Variants in ADGRL2 observed in about 807,000 individuals in gnomAD.
ADGRL2 encodes the protein calcium-independent alpha-latrotoxin receptor 2.
ADGRL2 carries 44 observed loss-of-function variants against 157.4 expected under a neutral mutation model. The observed-to-expected ratio is 0.28, with a 90% CI of 0.22 to 0.36. ADGRL2 has a LOEUF of 0.36. Ranked by LOEUF, ADGRL2 falls within the 10% of genes least tolerant of loss-of-function variation. The pLI is 1.00. For missense variants in ADGRL2, 1,510 were observed against 1,768.9 expected, an observed-to-expected ratio of 0.85 and a Z score of 2.63; for synonymous variants, 585 against 624.7, an observed-to-expected ratio of 0.94 and a Z score of 0.95.
intron 1 of ADGRL2, among the ~76,000 whole-genome samples, chr1:81,335,756 C>T (rs1449742070): frequency 2.6e-5 from 4 of 151,968 alleles, no homozygotes; most frequent in Non-Finnish European, 5.9e-5. Context: ...TTCATCCCTT[C>T]CTTTAGTTAT....
At chr1:81,873,462 T>G (rs2093750227) in intron 2 of ADGRL2, among the ~76,000 whole-genome samples, 1 of 152,074 alleles carries the variant, frequency 6.6e-6, no homozygotes, top group African/African-American at 2.4e-5. Context: ...CTGATTGAAA[T>G]GTAAAAAAAC....
chr1:81,774,396 C>T lies in ADGRL2; in HGVS notation c.-101+12544C>T, dbSNP rs192920240. Among the ~76,000 whole-genome samples, 8 of 152,338 alleles carry T rather than the reference C, an allele frequency of 5.3e-5. No individual in the cohort carries two copies. In the East Asian group the frequency reaches 9.7e-4, roughly 18 times the overall value. On this transcript the variant is annotated intron_variant, in intron 2 of 20. Coordinates refer to the ADGRL2 transcript ENST00000359929. ...TAGATTGTGAGGTTGCTGAGAGCAA[C>T]ATGTGCTTTGCACTGTCTACTTAAT...
At chr1:81,454,073 A>G (rs993868745) in intron 2 of ADGRL2, among the ~76,000 whole-genome samples, 1 of 152,140 alleles carries the variant, frequency 6.6e-6, no homozygotes, top group South Asian at 2.1e-4. Flanking sequence ...TTGAATGAGG[A>G]TTACTGACAG....
chr1:81,720,188 T>C lies in ADGRL2; in HGVS notation c.-143+20380T>C, dbSNP rs147929193. Reference sequence around the variant, plus strand: ...AAGCATTCCTTTTTTTCTTTTCTTTTTTTTTTTTTTTTGAGACGTAATCTT... The same window carrying C: ...AAGCATTCCTTTTTTTCTTTTCTTTCTTTTTTTTTTTTGAGACGTAATCTT... On this transcript the variant is annotated intron_variant, in intron 1 of 20. Coordinates refer to the ADGRL2 transcript ENST00000359929. 8.2e-3 allele frequency among the ~76,000 whole-genome samples: 1,223 copies of C among 149,830 alleles called. 24 individuals carry two copies. Among genetic ancestry groups the C allele is most frequent in the African/African-American group, 0.028 (1,168 of 40,996 alleles).
In ADGRL2 at chr1:81,986,887, T is replaced by G. The variant is rs1038289759; in HGVS notation, c.3509-14T>G. 3.1e-6 allele frequency: 5 copies of G among 1,591,924 alleles called. No homozygotes were observed. In the African/African-American group the frequency reaches 6.8e-5, roughly 22 times the overall value. ...TTTTCTCTGTTTTTTTGTTGTTTTT[T>G]TTTTTTACTTTAGGAATGACTGGCA... On this transcript the variant is annotated splice_polypyrimidine_tract_variant and intron_variant, in intron 21 of 23. Coordinates refer to ENST00000686636, the MANE Select transcript of ADGRL2 (RefSeq NM_001366006.2).
chr1:81,973,526 T>A (rs761168654), intron 17 of ADGRL2, among the ~76,000 whole-genome samples: 8 of 152,236 alleles, frequency 5.3e-5, no homozygotes, highest in Non-Finnish European at 1.0e-4. Flanking sequence ...TTATTTGATA[T>A]CTGTGAAGAT....
intron 1 of ADGRL2, chr1:81,722,535 T>A: frequency 6.4e-7 from 1 of 1,550,672 alleles, no homozygotes; most frequent in Non-Finnish European, 8.8e-7. Context: ...TAAATCCTGA[T>A]TCAGCTCAGC....
Position 81,560,683 on chromosome 1 carries a change from G to A in ADGRL2, c.-247-20193G>A, listed in dbSNP as rs183259574. ...TGTTAGATAAGTGCCTCATCAGTGAGGATGATCGTGGTGAAGAAGGAAGAG... is the reference window on the plus strand; with the variant it reads ...TGTTAGATAAGTGCCTCATCAGTGAAGATGATCGTGGTGAAGAAGGAAGAG... On this transcript the variant is annotated intron_variant, in intron 2 of 24. Coordinates refer to the ADGRL2 transcript ENST00000370721. Among the ~76,000 whole-genome samples the A allele has an allele frequency of 1.1e-3, 172 of 152,228 alleles. 1 individual carries two copies. In the Middle Eastern group the frequency reaches 0.034, roughly 30 times the overall value.
At chr1:81,800,169 C>A (rs1472036050), upstream of ADGRL2, among the ~76,000 whole-genome samples, 1 of 152,176 alleles carries the variant, frequency 6.6e-6, no homozygotes. Flanking sequence ...GTCTCCTTTC[C>A]TTCCTTTGCT....
At chr1:81,431,371 C>A (rs2077317974) in intron 1 of ADGRL2, among the ~76,000 whole-genome samples, 1 of 152,176 alleles carries the variant, frequency 6.6e-6, no homozygotes. Context: ...GGAGCTGCCA[C>A]TCACCACAAA....
At chr1:81,425,729 C>T (rs1019828800) in intron 1 of ADGRL2, among the ~76,000 whole-genome samples, 1 of 152,152 alleles carries the variant, frequency 6.6e-6, no homozygotes, top group African/African-American at 2.4e-5. Flanking sequence ...TTCAAGATCT[C>T]ACCTGTGGGC....
intron 3 of ADGRL2, among the ~76,000 whole-genome samples, chr1:81,642,234 C>G (rs954001336): frequency 1.5e-5 from 2 of 133,574 alleles, no homozygotes; most frequent in African/African-American, 5.6e-5. Flanking sequence ...GGCGACAGAG[C>G]GAGACTCTGT....
At chr1:81,685,955 T>G (rs2083220349) in intron 3 of ADGRL2, among the ~76,000 whole-genome samples, 1 of 152,208 alleles carries the variant, frequency 6.6e-6, no homozygotes, top group African/African-American at 2.4e-5. Flanking sequence ...CTTGTATATG[T>G]TAAACCATCT....
chr1:81,530,322 G>A (rs1335557051), intron 2 of ADGRL2, among the ~76,000 whole-genome samples: 3 of 152,038 alleles, frequency 2.0e-5, no homozygotes, highest in African/African-American at 7.2e-5. Context: ...AAATTCAAAA[G>A]TATTCCTGTG....
Position 81,313,660 on chromosome 1 carries a change from T to C in ADGRL2, c.-302+7151T>C, listed in dbSNP as rs117179755. Among the ~76,000 whole-genome samples, 526 of 152,310 alleles carry C rather than the reference T, an allele frequency of 3.5e-3. 11 individuals carry two copies. The East Asian group carries it at 0.05, about 15-fold the overall frequency. On this transcript the variant is annotated intron_variant, in intron 1 of 24. Transcript: ENST00000370721. Reference sequence around the variant, plus strand: ...TGGATCAGACAAATATAAAATTCATTCTAAGAGGACTCTCCTTCTTAGCTT... The same window carrying C: ...TGGATCAGACAAATATAAAATTCATCCTAAGAGGACTCTCCTTCTTAGCTT...
chr1:81,718,391 G>T (rs994405961), intron 1 of ADGRL2, among the ~76,000 whole-genome samples: 6 of 151,952 alleles, frequency 3.9e-5, no homozygotes, highest in African/African-American at 1.5e-4. Flanking sequence ...AAAGTATGAT[G>T]ATCTGTTTGT....
intron 2 of ADGRL2, among the ~76,000 whole-genome samples, chr1:81,901,569 C>T (rs989533419): frequency 8.8e-5 from 13 of 147,450 alleles, no homozygotes; most frequent in African/African-American, 1.2e-4. Context: ...AGGATTAAAA[C>T]ATATATATAT....
intron 2 of ADGRL2, chr1:81,513,947 C>G (rs2079126038): frequency 2.0e-5 from 3 of 152,150 alleles, no homozygotes. Context: ...TGTGAATCTT[C>G]ACAACCCAGT....
chr1:81,743,755 C>T (rs560619665), intron 1 of ADGRL2, among the ~76,000 whole-genome samples: 1 of 152,098 alleles, frequency 6.6e-6, no homozygotes, highest in East Asian at 1.9e-4. Context: ...TTGTCGTAAC[C>T]ACATATATGT....
Sources: gnomAD v4.1 joint callset for allele counts (sites outside exome capture counted in the v4.1 genomes callset) on GRCh38, gnomAD v4.1.1 for gene constraint, MANE v1.5 for transcripts, NCBI Gene and HGNC (gene_info 2026-07-23, HGNC 2026-07-21) for gene names.